PIGN: variants seen among roughly 807,000 people sequenced by gnomAD.
PIGN encodes the protein phosphatidylinositol glycan anchor biosynthesis class N.
Under a neutral mutation model 125.4 loss-of-function variants are expected in PIGN, and 117 were observed. That is an observed-to-expected ratio of 0.93 (90% CI 0.80 to 1.09). The LOEUF (loss-of-function observed/expected upper bound fraction) is 1.09. Ranked by LOEUF, PIGN falls within the 50% of genes least tolerant of loss-of-function variation. The pLI is 0.00. For missense variants in PIGN, 1,075 were observed against 1,094.9 expected, an observed-to-expected ratio of 0.98 and a Z score of 0.26; for synonymous variants, 392 against 377.8, an observed-to-expected ratio of 1.04 and a Z score of -0.44.
chr18:62,106,486 T>C (rs1218591083), intron 19 of PIGN, among the ~76,000 whole-genome samples: 1 of 152,110 alleles, frequency 6.6e-6, no homozygotes, highest in Non-Finnish European at 1.5e-5. Context: ...GACGACTCCT[T>C]GCCTGGTCCA....
chr18:62,181,174 A>G (rs1001145230), intron 1 of PIGN, among the ~76,000 whole-genome samples: 2 of 152,216 alleles, frequency 1.3e-5, no homozygotes, highest in African/African-American at 4.8e-5. Flanking sequence ...GGCTTTTGCT[A>G]TTTGTAATAA....
At chr18:62,020,698 C>T (rs1256677018) in intron 23 of PIGN, among the ~76,000 whole-genome samples, 2 of 151,588 alleles carry the variant, frequency 1.3e-5, no homozygotes, top group African/African-American at 4.9e-5. Context: ...GCCTGTAATC[C>T]CAGCACTTTG....
intron 30 of PIGN, among the ~76,000 whole-genome samples, chr18:62,062,232 G>A (rs532892779): frequency 1.3e-5 from 2 of 152,256 alleles, no homozygotes; most frequent in African/African-American, 4.8e-5. Flanking sequence ...CTTAAAGTGG[G>A]CACCTTTTAG....
intron 30 of PIGN, among the ~76,000 whole-genome samples, chr18:62,062,767 T>C (rs1042376343): frequency 6.6e-6 from 1 of 152,008 alleles, no homozygotes; most frequent in African/African-American, 2.4e-5. Context: ...TTCTCATGGC[T>C]AGTACCGGGT....
At chr18:62,127,648 T>A (rs1434605910) in intron 14 of PIGN, among the ~76,000 whole-genome samples, 2 of 151,796 alleles carry the variant, frequency 1.3e-5, no homozygotes, top group Non-Finnish European at 2.9e-5. Flanking sequence ...GACCTTATCA[T>A]TTGCTTGAAC....
At chr18:62,110,047 A>T in intron 16 of PIGN, 74 bp from the exon 17 acceptor site, 1 of 1,404,010 alleles carries the variant, frequency 7.1e-7, no homozygotes, top group Non-Finnish European at 9.9e-7. Context: ...AGATTTTATA[A>T]AGTAAAGAAA....
At chr18:62,184,233 T>C (rs764327506) in intron 1 of PIGN, among the ~76,000 whole-genome samples, 22 of 152,144 alleles carry the variant, frequency 1.4e-4, no homozygotes, top group South Asian at 4.1e-4. Flanking sequence ...AAACCTAAAA[T>C]AATTTTTTAA....
chr18:62,122,988 C>T (rs922974158), intron 14 of PIGN, among the ~76,000 whole-genome samples: 1 of 152,038 alleles, frequency 6.6e-6, no homozygotes, highest in Non-Finnish European at 1.5e-5. Flanking sequence ...ACAAAAATGA[C>T]CATAATAGAG....
intron 28 of PIGN, 192 bp from the exon 29 acceptor site, chr18:62,075,013 G>A: frequency 2.3e-6 from 1 of 438,784 alleles, no homozygotes; most frequent in East Asian, 3.7e-5. Context: ...ACTGTAAAAT[G>A]TGTTATTAAG....
chr18:62,052,956 T>C, intron 30 of PIGN: 1 of 387,168 alleles, frequency 2.6e-6, no homozygotes, highest in Non-Finnish European at 4.6e-6. Context: ...GAAGGAAGTT[T>C]TCTAAACAGA....
Position 62,095,845 on chromosome 18 carries a change from T to C in PIGN, c.2180+3A>G. On this transcript the variant is annotated splice_donor_region_variant and intron_variant, in intron 23 of 30. Transcript: ENST00000640252. ...TAAAATTAAATTGTTAAAAAGTTTA[T>C]ACCCTGTGCTTAGAAGTAGGTAGGT... 1 of 1,552,614 alleles carries C rather than the reference T, an allele frequency of 6.4e-7. No individual in the cohort carries two copies. Among genetic ancestry groups the C allele is most frequent in the Non-Finnish European group, 8.9e-7 (1 of 1,124,420 alleles).
At chr18:62,108,116 A>G (rs1568183246) in intron 17 of PIGN, among the ~76,000 whole-genome samples, 3 of 152,334 alleles carry the variant, frequency 2.0e-5, no homozygotes, top group South Asian at 4.1e-4. Context: ...GGAAGGTGCC[A>G]TGTAGGAAAG....
rs1002407180 is a variant in PIGN at position 62,045,343 on chromosome 18, C to T, written c.*513G>A. 1.3e-5 allele frequency: 2 copies of T among 152,294 alleles called. No individual in the cohort carries two copies. Among genetic ancestry groups the T allele is most frequent in the Middle Eastern group, 3.4e-3 (1 of 294 alleles). The allele number at this position is 152,294 out of a possible 1,614,324, so 9.4% of individuals were successfully genotyped here. A position where few individuals can be genotyped will look rare whatever the true frequency, so the allele number is the denominator to read the frequency against. On this transcript the variant is annotated 3_prime_UTR_variant, in exon 31 of 31. Transcript: ENST00000640252. ...GCATACTAAAGAAATATGACAAATA[C>T]CTGCAAACACTTTTTTTATTGAAGC... is the stretch of plus-strand genomic sequence containing the variant.
Position 62,113,154 on chromosome 18 carries a change from CT to C in PIGN, c.1413del (p.Gly472ValfsTer6). On this transcript the variant is annotated frameshift_variant, in exon 16 of 31. Transcript: ENST00000640252. LOFTEE classifies it high-confidence loss of function. ...CGTACCTTCACTTCTTTACTAACACCTTTTATAAGGTTGGAATGAGACTTGA... is the reference window on the plus strand; with the variant it reads ...CGTACCTTCACTTCTTTACTAACACCTTTATAAGGTTGGAATGAGACTTGA... ...LIIKSHSNLI[K>X]GVSKEVKKPS... The C allele has an allele frequency of 6.2e-7, 1 of 1,609,504 alleles. No homozygotes were observed.
chr18:62,113,266 A>G lies in PIGN; in HGVS notation c.1302T>C (p.Tyr434=). 1.2e-6 allele frequency: 2 copies of G among 1,612,938 alleles called. No homozygotes were observed. Among genetic ancestry groups the G allele is most frequent in the Non-Finnish European group, 1.7e-6 (2 of 1,179,366 alleles). The part of the protein sequence containing the change: ...LIHLALKGLS[Y]YHTYDRFFLG... ...AAAAGAATCTGTCATATGTGTGATAATAGGACAATCCTTTCAATGCAAGAT... is the reference window on the plus strand; with the variant it reads ...AAAAGAATCTGTCATATGTGTGATAGTAGGACAATCCTTTCAATGCAAGAT... Residue 434 remains tyrosine, a synonymous_variant, in exon 16 of 31, where the codon TAT becomes TAC. Transcript: ENST00000640252.
chr18:62,154,594 C>T lies in PIGN; in HGVS notation c.500G>A (p.Gly167Asp). The T allele has an allele frequency of 1.9e-6, 3 of 1,597,448 alleles. No individual in the cohort carries two copies. The highest frequency in any genetic ancestry group is 2.6e-6 in the Non-Finnish European group (3 of 1,165,862). ...YSYDAKREDF[G>D]AQDATKLDTW... is the part of the protein sequence containing the mutation. ...ATCCAGTTTTGTTGCATCTTGAGCA[C>T]CAAAATCCTCTCTTTTAGCATCATA... The change falls in exon 7 of 31, where the codon GGT becomes GAT. Residue 167 changes from glycine (G) to aspartate (D), a missense_variant. Gly to Asp is a moderately conservative substitution (Grantham distance 94). Coordinates refer to ENST00000640252, the MANE Select transcript of PIGN (RefSeq NM_176787.5).
intron 6 of PIGN, 80 bp from the exon 7 acceptor site, chr18:62,154,731 AT>A (rs2036661946): frequency 1.4e-6 from 1 of 728,014 alleles, no homozygotes; most frequent in African/African-American, 1.8e-5. Flanking sequence ...TCATTCACAG[AT>A]TTTTGTGAGT....
intron 1 of PIGN, chr18:62,184,442 AAT>A (rs1225258907): frequency 6.6e-6 from 1 of 152,204 alleles, no homozygotes; most frequent in Non-Finnish European, 1.5e-5. Context: ...GGTAATTTTT[AAT>A]ATTCCAGTGT....
At chr18:62,058,442 C>T (rs1176546623) in intron 30 of PIGN, among the ~76,000 whole-genome samples, 2 of 152,192 alleles carry the variant, frequency 1.3e-5, no homozygotes, top group Non-Finnish European at 2.9e-5. Context: ...ATAGCATCAA[C>T]AGAAGTCTGA....
Sources: allele counts gnomAD v4.1 joint callset (sites outside exome capture counted in the v4.1 genomes callset), GRCh38; gene constraint gnomAD v4.1.1; transcripts MANE v1.5; gene names NCBI Gene and HGNC (gene_info 2026-07-23, HGNC 2026-07-21).